Variants in TTC28 observed in about 807,000 individuals in gnomAD.
TTC28 encodes the protein tetratricopeptide repeat protein 28.
In TTC28, 61 loss-of-function variants were observed where a neutral mutation model predicts 198.0. The ratio of observed to expected loss-of-function variants is 0.31; its 90% CI spans 0.25 to 0.38. The LOEUF (loss-of-function observed/expected upper bound fraction) is 0.38. Ranked by LOEUF, TTC28 falls within the 10% of genes least tolerant of loss-of-function variation. The pLI is 1.00. For synonymous variants in TTC28, 1,171 were observed against 1,297.8 expected (o/e 0.90, Z 2.10); for missense variants, 2,678 against 3,164.0 (o/e 0.85, Z 3.69).
intron 1 of TTC28, among the ~76,000 whole-genome samples, chr22:28,654,012 T>C (rs1489915949): frequency 6.6e-6 from 1 of 152,190 alleles, no homozygotes; most frequent in Non-Finnish European, 1.5e-5. Flanking sequence ...CTTCCGTTCT[T>C]ACAACATTCC....
chr22:28,041,123 G>A (rs1209853439), intron 12 of TTC28, among the ~76,000 whole-genome samples: 1 of 152,190 alleles, frequency 6.6e-6, no homozygotes, highest in Non-Finnish European at 1.5e-5. Context: ...CTCATGGATA[G>A]GAAGAATCAA....
chr22:28,265,684 G>A (rs1931638813), intron 5 of TTC28, among the ~76,000 whole-genome samples: 1 of 152,090 alleles, frequency 6.6e-6, no homozygotes, highest in Admixed American at 6.6e-5. Flanking sequence ...CTTGGGACAA[G>A]AATTCAGTGA....
intron 6 of TTC28, among the ~76,000 whole-genome samples, chr22:28,137,067 T>C (rs886582345): frequency 1.2e-4 from 18 of 152,320 alleles, no homozygotes; most frequent in African/African-American, 4.1e-4. Flanking sequence ...CTCATGGCTG[T>C]TGCTGGCTGT....
At chr22:28,284,744 A>G (rs978163382) in intron 5 of TTC28, among the ~76,000 whole-genome samples, 2 of 152,202 alleles carry the variant, frequency 1.3e-5, no homozygotes, top group African/African-American at 4.8e-5. Flanking sequence ...ATTATGAAAA[A>G]GTGTTAAAAC....
intron 2 of TTC28, among the ~76,000 whole-genome samples, chr22:28,581,125 G>A (rs1353971032): frequency 6.6e-6 from 1 of 152,042 alleles, no homozygotes; most frequent in Non-Finnish European, 1.5e-5. Context: ...CTGGATCAAG[G>A]GGGCAGATTT....
At chr22:28,057,939 C>T (rs1278542310) in intron 12 of TTC28, among the ~76,000 whole-genome samples, 1 of 152,066 alleles carries the variant, frequency 6.6e-6, no homozygotes. Context: ...CTCTATTCTG[C>T]TCCATTGATC....
chr22:27,998,887 T>A lies in TTC28; in HGVS notation c.4772A>T (p.Asp1591Val). 6.4e-7 allele frequency: 1 copy of A among 1,550,388 alleles called. No homozygotes were observed. The highest frequency in any genetic ancestry group is 8.7e-7 in the Non-Finnish European group (1 of 1,146,952). ...CGGGCAGTCCGAGATGCTCTCCCCA[T>A]CACTGGCATCGTCCTGCACCCGCAA... ...ESLRVQDDAS[D>V]GESISDCPPL... The change falls in exon 16 of 23, where the codon GAT becomes GTT. Residue 1591 changes from aspartate to valine, a missense_variant. Asp to Val is a radical substitution (Grantham distance 152). This residue lies in a region of TTC28 where 727 missense variants were observed against 861.9 expected (regional missense o/e 0.84). Transcript: ENST00000397906.
At chr22:28,096,458 TAGAG>T (rs1421718800) in intron 10 of TTC28, 50 bp from the exon 11 acceptor site, 15 of 1,536,902 alleles carry the variant, frequency 9.8e-6, no homozygotes, top group Non-Finnish European at 1.8e-6. Flanking sequence ...TGTGCTTACT[TAGAG>T]AGGCCTATCA....
Position 28,316,701 on chromosome 22 carries a change from G to A in TTC28, c.382-10058C>T, listed in dbSNP as rs1044760209. 2.8e-4 allele frequency among the ~76,000 whole-genome samples: 43 copies of A among 152,026 alleles called. 1 individual carries two copies. Among genetic ancestry groups the A allele is most frequent in the Admixed American group, 2.0e-4 (3 of 15,246 alleles). ...ACATCTAAATAATTCATTTTTTGGA[G>A]CTATTGTTTTTGAAAGTTCAGTTTT... On this transcript the variant is annotated intron_variant, in intron 2 of 22. Coordinates refer to ENST00000397906, the MANE Select transcript of TTC28 (RefSeq NM_001145418.2).
At chr22:27,997,118 G>A (rs950973205) in intron 16 of TTC28, among the ~76,000 whole-genome samples, 7 of 152,182 alleles carry the variant, frequency 4.6e-5, no homozygotes, top group African/African-American at 1.7e-4. Flanking sequence ...GTGTGATGAG[G>A]ACAATAATGG....
In TTC28 at chr22:28,030,361, C is replaced by A; in HGVS notation, c.3938G>T (p.Cys1313Phe). Reference protein sequence around the residue: ...LGVESHYSRACASSETESEAG... With the variant: ...LGVESHYSRAFASSETESEAG... ...TTCACTCTCTGTCTCACTGCTGGCA[C>A]AGGCCCTGCAGGAAAAATTGCAGAA... The change falls in exon 13 of 23, where the codon TGT becomes TTT. Residue 1313 changes from cysteine (C) to phenylalanine (F), a missense_variant. Coordinates refer to ENST00000397906, the MANE Select transcript of TTC28 (RefSeq NM_001145418.2). 1 of 1,551,744 alleles carries A rather than the reference C, an allele frequency of 6.4e-7. No homozygotes were observed. The highest frequency in any genetic ancestry group is 1.2e-5 in the South Asian group (1 of 84,036).
chr22:28,148,915 G>A (rs1192035671), intron 6 of TTC28, among the ~76,000 whole-genome samples: 2 of 152,294 alleles, frequency 1.3e-5, no homozygotes, highest in Admixed American at 6.5e-5. Flanking sequence ...TTACACTCCA[G>A]TTATAAGTCC....
chr22:28,390,863 T>C (rs1031028767), intron 2 of TTC28, among the ~76,000 whole-genome samples: 3 of 152,208 alleles, frequency 2.0e-5, no homozygotes, highest in African/African-American at 7.2e-5. Context: ...AATATTGTTA[T>C]GTGTGAATTT....
intron 2 of TTC28, among the ~76,000 whole-genome samples, chr22:28,579,163 C>A (rs1033457609): frequency 6.7e-6 from 1 of 149,454 alleles, no homozygotes; most frequent in Non-Finnish European, 1.5e-5. Context: ...TACATACATA[C>A]AGCTACACGT....
At chr22:28,314,218 C>A (rs2045316328) in intron 2 of TTC28, among the ~76,000 whole-genome samples, 1 of 152,106 alleles carries the variant, frequency 6.6e-6, no homozygotes, top group Non-Finnish European at 1.5e-5. Context: ...AGAGAGCACA[C>A]AAACAAATGG....
chr22:28,254,558 T>C (rs1261021207), intron 5 of TTC28, among the ~76,000 whole-genome samples: 1 of 150,326 alleles, frequency 6.7e-6, no homozygotes, highest in Non-Finnish European at 1.5e-5. Context: ...AAAATGAAAG[T>C]CAATTAGAAG....
chr22:28,017,780 A>T (rs1938429788), intron 13 of TTC28, among the ~76,000 whole-genome samples: 2 of 152,144 alleles, frequency 1.3e-5, no homozygotes, highest in African/African-American at 2.4e-5. Flanking sequence ...TTCCTAGGGG[A>T]TGAGCATAAG....
At chr22:28,001,348 C>A in intron 15 of TTC28, 26 bp downstream of exon 15, 2 of 1,529,310 alleles carry the variant, frequency 1.3e-6, no homozygotes, top group Non-Finnish European at 1.8e-6. Flanking sequence ...AAGCCCCCGG[C>A]CCCCCACCAT....
intron 6 of TTC28, among the ~76,000 whole-genome samples, chr22:28,114,922 T>C (rs1287604133): frequency 6.6e-6 from 1 of 152,162 alleles, no homozygotes; most frequent in Admixed American, 6.5e-5. Context: ...ATTCCAAAAA[T>C]ATGTATCATT....
Sources: allele counts gnomAD v4.1 joint callset (sites outside exome capture counted in the v4.1 genomes callset), GRCh38; gene constraint gnomAD v4.1.1; regional missense constraint gnomAD v4.1.1; transcripts MANE v1.5; gene names NCBI Gene and HGNC (gene_info 2026-07-23, HGNC 2026-07-21).